CNTNAP2: variants seen among roughly 807,000 people sequenced by gnomAD.
The protein encoded by CNTNAP2 is contactin associated protein 2.
In CNTNAP2, 98 loss-of-function variants were observed where a neutral mutation model predicts 155.2. That is an observed-to-expected ratio of 0.63 (90% CI 0.54 to 0.75). CNTNAP2 has a LOEUF of 0.75. Ranked by LOEUF, CNTNAP2 falls within the 30% of genes least tolerant of loss-of-function variation. The probability of loss-of-function intolerance (pLI) is 0.00; values close to 1 mark genes in which losing one functional copy is unlikely to be tolerated. For synonymous variants in CNTNAP2, 651 were observed against 631.2 expected, an observed-to-expected ratio of 1.03 and a Z score of -0.47; for missense variants, 1,727 against 1,688.1, an observed-to-expected ratio of 1.02 and a Z score of -0.40.
chr7:148,000,109 A>G (rs1486855358), intron 15 of CNTNAP2, among the ~76,000 whole-genome samples: 1 of 152,202 alleles, frequency 6.6e-6, no homozygotes, highest in East Asian at 1.9e-4. Flanking sequence ...TGTTATGGTT[A>G]AAGGACCATT....
At chr7:148,031,973 G>T (rs1403318176) in intron 15 of CNTNAP2, among the ~76,000 whole-genome samples, 1 of 152,114 alleles carries the variant, frequency 6.6e-6, no homozygotes, top group Non-Finnish European at 1.5e-5. Context: ...GGTCTCCAGG[G>T]TAACATCAAG....
At chr7:147,613,892 A>G (rs1394811056) in intron 12 of CNTNAP2, among the ~76,000 whole-genome samples, 1 of 152,096 alleles carries the variant, frequency 6.6e-6, no homozygotes, top group African/African-American at 2.4e-5. Flanking sequence ...TCCTCTATGG[A>G]TTTTGAAGGT....
chr7:146,932,115 C>G (rs1796773787), intron 3 of CNTNAP2, among the ~76,000 whole-genome samples: 2 of 151,966 alleles, frequency 1.3e-5, no homozygotes, highest in Admixed American at 1.3e-4. Context: ...GATACCAAAG[C>G]CTGGCAGAGA....
At chr7:148,049,436 A>AT (rs3056204) in intron 15 of CNTNAP2, among the ~76,000 whole-genome samples, 18,877 of 151,958 alleles carry the variant, frequency 0.12, 1,608 homozygotes, top group East Asian at 0.26. Context: ...TATTTCTAAG[A>AT]TTTTTTAATG....
At chr7:147,585,497 G>C (rs1800601144) in intron 12 of CNTNAP2, among the ~76,000 whole-genome samples, 1 of 149,132 alleles carries the variant, frequency 6.7e-6, no homozygotes, top group Non-Finnish European at 1.5e-5. Flanking sequence ...TAGATATATA[G>C]ATCTATTAAT....
intron 1 of CNTNAP2, among the ~76,000 whole-genome samples, chr7:146,579,928 T>A (rs1798585973): frequency 2.0e-5 from 3 of 152,086 alleles, no homozygotes; most frequent in Admixed American, 1.3e-4. Flanking sequence ...CTGATCCTAT[T>A]TCCTGACTCT....
intron 1 of CNTNAP2, among the ~76,000 whole-genome samples, chr7:146,142,159 G>A (rs1280053980): frequency 2.6e-5 from 4 of 152,290 alleles, no homozygotes; most frequent in African/African-American, 9.6e-5. Flanking sequence ...CTTAATAAGA[G>A]CAGGCCTGCT....
At chr7:147,133,313 A>G (rs1801413350) in intron 8 of CNTNAP2, among the ~76,000 whole-genome samples, 1 of 152,104 alleles carries the variant, frequency 6.6e-6, no homozygotes, top group South Asian at 2.1e-4. Context: ...TCATACATAT[A>G]TATTGTGAAG....
chr7:147,265,988 C>T (rs572129952), intron 8 of CNTNAP2, among the ~76,000 whole-genome samples: 132 of 152,274 alleles, frequency 8.7e-4, no homozygotes, highest in Non-Finnish European at 1.7e-3. Context: ...ATCCAAAGGT[C>T]AGCAACCTCA....
intron 11 of CNTNAP2, among the ~76,000 whole-genome samples, chr7:147,555,008 C>T (rs1462103654): frequency 6.6e-6 from 1 of 152,178 alleles, no homozygotes; most frequent in Non-Finnish European, 1.5e-5. Context: ...TCATTGCCGC[C>T]TCTCTGGATT....
chr7:147,452,767 T>TAG (rs1445938532), intron 10 of CNTNAP2, among the ~76,000 whole-genome samples: 4 of 152,212 alleles, frequency 2.6e-5, no homozygotes, highest in African/African-American at 7.2e-5. Flanking sequence ...TCTCCCTAGC[T>TAG]TACTGCCTGA....
At chr7:147,357,776 A>C (rs1436125886) in intron 9 of CNTNAP2, among the ~76,000 whole-genome samples, 3 of 152,056 alleles carry the variant, frequency 2.0e-5, no homozygotes, top group Non-Finnish European at 4.4e-5. Flanking sequence ...TCATACTGTT[A>C]AGTAGTTTCT....
intron 15 of CNTNAP2, among the ~76,000 whole-genome samples, chr7:147,991,778 A>G (rs191867753): frequency 2.6e-5 from 4 of 152,268 alleles, no homozygotes; most frequent in Admixed American, 2.0e-4. Context: ...CAAAATTACA[A>G]TTAGTCAGTA....
rs75870997 is a variant in CNTNAP2 at position 146,827,888 on chromosome 7, G to A, written c.209-11823G>A. ...ACAGCAGCTTCCAAATAGTTGCAAA[G>A]ACGAACATGACTTCAGTGACTTTGA... On this transcript the variant is annotated intron_variant, in intron 2 of 23. Transcript: ENST00000361727. 7.0e-3 allele frequency among the ~76,000 whole-genome samples: 1,065 copies of A among 152,138 alleles called. 10 individuals are homozygous for A. Among genetic ancestry groups the A allele is most frequent in the African/African-American group, 0.023 (953 of 41,540 alleles).
chr7:146,585,169 T>A (rs928895903), intron 1 of CNTNAP2, among the ~76,000 whole-genome samples: 1 of 152,156 alleles, frequency 6.6e-6, no homozygotes, highest in East Asian at 1.9e-4. Flanking sequence ...ATCGCCAGAC[T>A]GGAGTGCAGT....
rs910348230 is a variant in CNTNAP2, at chr7:146,742,183, CTTT to C, written c.98-32086_98-32084del. 3.9e-5 allele frequency among the ~76,000 whole-genome samples: 6 copies of C among 151,928 alleles called. No individual in the cohort carries two copies. The East Asian group carries it at 5.8e-4, about 15-fold the overall frequency. ...GTTTACTGATTGCTTATTTTGCAGT[CTTT>C]TGTTTATTTTATTTATTTCTTCATA... On this transcript the variant is annotated intron_variant, in intron 1 of 23. Transcript: ENST00000361727.
intron 1 of CNTNAP2, among the ~76,000 whole-genome samples, chr7:146,375,032 C>T (rs1234927233): frequency 6.6e-6 from 1 of 152,148 alleles, no homozygotes; most frequent in African/African-American, 2.4e-5. Flanking sequence ...CACAAAGAAA[C>T]ACATTACATA....
At chr7:148,307,394 G>A (rs1563034912) in intron 21 of CNTNAP2, among the ~76,000 whole-genome samples, 1 of 152,142 alleles carries the variant, frequency 6.6e-6, no homozygotes, top group Non-Finnish European at 1.5e-5. Flanking sequence ...AATAATGGGC[G>A]GCTTTGCAGT....
intron 15 of CNTNAP2, among the ~76,000 whole-genome samples, chr7:147,978,447 A>G (rs185374836): frequency 4.8e-4 from 73 of 152,184 alleles, no homozygotes; most frequent in Non-Finnish European, 1.0e-4. Context: ...CATTATTGCT[A>G]TCAAACTTCA....
Sources: gnomAD v4.1 joint callset for allele counts (sites outside exome capture counted in the v4.1 genomes callset) on GRCh38, gnomAD v4.1.1 for gene constraint, MANE v1.5 for transcripts, NCBI Gene and HGNC (gene_info 2026-07-23, HGNC 2026-07-21) for gene names.